COQ8B: variants seen among roughly 807,000 people sequenced by gnomAD.
The protein encoded by COQ8B is coenzyme Q8B.
In COQ8B, 44 loss-of-function variants were observed where a neutral mutation model predicts 62.0. The ratio of observed to expected loss-of-function variants is 0.71; its 90% confidence interval spans 0.56 to 0.91. COQ8B has a LOEUF of 0.91. Ranked by LOEUF, COQ8B falls within the 40% of genes least tolerant of loss-of-function variation. The probability of loss-of-function intolerance (pLI) is 0.00; values close to 1 mark genes in which losing one functional copy is unlikely to be tolerated. For synonymous variants in COQ8B, 252 were observed against 289.9 expected (o/e 0.87, Z 1.33); for missense variants, 649 against 731.6 (o/e 0.89, Z 1.30).
Position 40,716,806 on chromosome 19 carries a change from TG to T in COQ8B, c.-224del. On this transcript the variant is annotated 5_prime_UTR_variant, in exon 1 of 15. The change abolishes the stop of an existing upstream ORF in the 5' untranslated region. Coordinates refer to ENST00000324464, the MANE Select transcript of COQ8B (RefSeq NM_024876.4). Reference sequence around the variant, plus strand: ...AGGGAGGGTGGTTTAGTCACAGGGGTGGAGGGAGGGGGCCCACTGGCGCGCC... The same window carrying T: ...AGGGAGGGTGGTTTAGTCACAGGGGTGAGGGAGGGGGCCCACTGGCGCGCC... 4 of 168,856 alleles carry T rather than the reference TG, an allele frequency of 2.4e-5. No homozygotes were observed. The highest frequency in any genetic ancestry group is 9.6e-5 in the African/African-American group (4 of 41,460). 10.5% of individuals were successfully genotyped at this position (168,856 alleles called of 1,614,324 possible).
At chr19:40,692,638 G>A (rs918626643) in intron 14 of COQ8B, among the ~76,000 whole-genome samples, 4 of 151,968 alleles carry the variant, frequency 2.6e-5, no homozygotes, top group South Asian at 2.1e-4. Flanking sequence ...ACAGAGAAGC[G>A]GCCTTCGCCC....
rs1214336122 is a variant in COQ8B, at chr19:40,692,154, T to C, written c.1516A>G (p.Ile506Val). 6.3e-7 allele frequency: 1 copy of C among 1,599,048 alleles called. No individual in the cohort carries two copies. The highest frequency in any genetic ancestry group is 8.5e-7 in the Non-Finnish European group (1 of 1,172,704). Reference sequence around the variant, plus strand: ...TCCTGGAAGAGGTCCCTGCAGGCGATGTGGGCTCGGAGGTGGGCACAGGCC... The same window carrying C: ...TCCTGGAAGAGGTCCCTGCAGGCGACGTGGGCTCGGAGGTGGGCACAGGCC... ...FLACAHLRAH[I>V]ACRDLFQDTY... Residue 506 changes from isoleucine to valine, a missense_variant, in exon 15 of 15, where the codon ATC (isoleucine) becomes GTC (valine). Ile to Val is a conservative substitution (Grantham distance 29, BLOSUM62 3). Coordinates refer to ENST00000324464, the MANE Select transcript of COQ8B (RefSeq NM_024876.4).
intron 4 of COQ8B, among the ~76,000 whole-genome samples, chr19:40,711,846 C>T (rs139027563): frequency 2.6e-5 from 4 of 152,214 alleles, no homozygotes; most frequent in African/African-American, 4.8e-5. Context: ...CAGAAAACTT[C>T]CATTTTACAG....
intron 2 of COQ8B, 61 bp from the exon 3 acceptor site, chr19:40,714,458 C>A (rs1487507368): frequency 1.2e-6 from 2 of 1,612,914 alleles, no homozygotes; most frequent in Non-Finnish European, 1.7e-6. Flanking sequence ...CCTTCTGGAC[C>A]CCTCCTGTCC....
chr19:40,699,595 A>G (rs145919618), intron 12 of COQ8B, among the ~76,000 whole-genome samples: 5 of 152,328 alleles, frequency 3.3e-5, no homozygotes, highest in South Asian at 4.1e-4. Context: ...CGAGTGTGGT[A>G]GTGATGGCTA....
At chr19:40,699,924 T>G (rs2082048135) in intron 12 of COQ8B, 143 bp downstream of exon 12, 1 of 716,932 alleles carries the variant, frequency 1.4e-6, no homozygotes, top group Non-Finnish European at 2.4e-6. Flanking sequence ...GGGAAGGAGC[T>G]GGGTCCCTGA....
intron 13 of COQ8B, among the ~76,000 whole-genome samples, chr19:40,694,063 GAGA>G (rs1367147300): frequency 6.6e-6 from 1 of 152,194 alleles, no homozygotes; most frequent in Non-Finnish European, 1.5e-5. Flanking sequence ...TGTCAGTGGG[GAGA>G]AGAAGGGTCT....
chr19:40,697,847 T>TAGAGAGAGAGAGAGAGAGAG (rs1349238558), intron 12 of COQ8B, among the ~76,000 whole-genome samples: 2 of 56,882 alleles, frequency 3.5e-5, no homozygotes, highest in African/African-American at 1.7e-4. Context: ...TATATATATA[T>TAGAGAGAGAGAGAGAGAGAG]ATATAGAGAG....
At chr19:40,709,542 T>A (rs2082125019) in intron 5 of COQ8B, among the ~76,000 whole-genome samples, 1 of 152,176 alleles carries the variant, frequency 6.6e-6, no homozygotes, top group African/African-American at 2.4e-5. Context: ...GGCTTAAATG[T>A]TTTCTCAGAT....
chr19:40,695,686 C>T (rs1476150266), intron 13 of COQ8B, among the ~76,000 whole-genome samples: 2 of 152,146 alleles, frequency 1.3e-5, no homozygotes, highest in Non-Finnish European at 2.9e-5. Context: ...CCCAAGTCTG[C>T]TGTGATCTTG....
rs911185551 is a variant in COQ8B at position 40,710,122 on chromosome 19, A to G, written c.304T>C (p.Leu102=). The G allele has an allele frequency of 1.9e-6, 3 of 1,614,038 alleles. No individual in the cohort carries two copies. The highest frequency in any genetic ancestry group is 1.1e-5 in the South Asian group (1 of 91,076). The change falls in exon 5 of 15, where the codon TTG becomes CTG. Residue 102 remains leucine (L), a synonymous_variant. Coordinates refer to ENST00000324464, the MANE Select transcript of COQ8B (RefSeq NM_024876.4). Reference sequence around the variant, plus strand: ...ATCTCGGCCAGTACTCCTAGCCCCAAGCCCACAGCCAGTCCTGGAGTGCAA... The same window carrying G: ...ATCTCGGCCAGTACTCCTAGCCCCAGGCCCACAGCCAGTCCTGGAGTGCAA... ...LANFGGLAVG[L]GLGVLAEMAK...
At chr19:40,708,361 T>C (rs1366938800) in intron 5 of COQ8B, among the ~76,000 whole-genome samples, 1 of 151,994 alleles carries the variant, frequency 6.6e-6, no homozygotes, top group East Asian at 1.9e-4. Flanking sequence ...AAATAAAATT[T>C]AAAATAAAAT....
At position 40,692,665 on chromosome 19, in the gene COQ8B, C is replaced by T. The variant is rs1270238175; in HGVS notation, c.1296+286G>A. On this transcript the variant is annotated intron_variant, in intron 14 of 14. Transcript: ENST00000324464. ...CCTTCGCCCCTCCTGAACAGATCCACGGTGCCCATGTTCCCAGGGTTCCTG... is the reference window on the plus strand; with the variant it reads ...CCTTCGCCCCTCCTGAACAGATCCATGGTGCCCATGTTCCCAGGGTTCCTG... Among the ~76,000 whole-genome samples the T allele has an allele frequency of 6.6e-5, 10 of 152,196 alleles. 1 individual carries two copies. The highest frequency in any genetic ancestry group is 4.2e-4 in the South Asian group (2 of 4,818).
At chr19:40,692,436 C>T (rs1430061334) in intron 14 of COQ8B, 63 bp from the exon 15 acceptor site, 21 of 1,466,842 alleles carry the variant, frequency 1.4e-5, no homozygotes, top group Non-Finnish European at 1.2e-5. Flanking sequence ...CTCTGCATAA[C>T]CCAGAAACAA....
intron 13 of COQ8B, among the ~76,000 whole-genome samples, chr19:40,693,425 C>A (rs2144679658): frequency 6.6e-6 from 1 of 152,348 alleles, no homozygotes; most frequent in South Asian, 2.1e-4. Context: ...CCACACTGGA[C>A]TTTGAGCCCC....
chr19:40,706,257 C>G (rs1568441427), intron 5 of COQ8B, among the ~76,000 whole-genome samples: 1 of 152,194 alleles, frequency 6.6e-6, no homozygotes. Context: ...CCAGGGACCC[C>G]TGAGGGTCCC....
At chr19:40,712,629 T>C (rs1366433587) in intron 4 of COQ8B, among the ~76,000 whole-genome samples, 1 of 152,042 alleles carries the variant, frequency 6.6e-6, no homozygotes, top group African/African-American at 2.4e-5. Context: ...TGATCAGCAA[T>C]AAGAAGACAT....
intron 12 of COQ8B, among the ~76,000 whole-genome samples, chr19:40,697,225 CCTCAGCCTCCTGG>C (rs1445264753): frequency 6.6e-6 from 1 of 152,060 alleles, no homozygotes; most frequent in Non-Finnish European, 1.5e-5. Context: ...GATCCTCCCG[CCTCAGCCTCCTGG>C]GTAGCTGGGA....
At chr19:40,694,748 C>T (rs1281517842) in intron 13 of COQ8B, among the ~76,000 whole-genome samples, 1 of 152,308 alleles carries the variant, frequency 6.6e-6, no homozygotes, top group African/African-American at 2.4e-5. Context: ...AAATACCCTC[C>T]GAGCCTTTTC....
Sources: gnomAD v4.1 joint callset for allele counts (sites outside exome capture counted in the v4.1 genomes callset) on GRCh38, gnomAD v4.1.1 for gene constraint, MANE v1.5 for transcripts, NCBI Gene and HGNC (gene_info 2026-07-23, HGNC 2026-07-21) for gene names.